The following FAM107B variants were observed in gnomAD, a reference collection of about 807,000 sequenced individuals.
FAM107B encodes the protein protein FAM107B.
In FAM107B, 21 loss-of-function variants were observed where a neutral mutation model predicts 31.5. The ratio of observed to expected loss-of-function variants is 0.67; its 90% confidence interval spans 0.47 to 0.96. FAM107B has a LOEUF of 0.96. Among genes scored for constraint, FAM107B ranks in the 40% least tolerant of loss-of-function variants. FAM107B has a pLI of 0.00. For synonymous variants in FAM107B, 157 were observed against 141.5 expected, an observed-to-expected ratio of 1.11 and a Z score of -0.78; for missense variants, 452 against 377.1, an observed-to-expected ratio of 1.20 and a Z score of -1.64.
chr10:14,564,130 A>G (rs186181214), intron 2 of FAM107B, among the ~76,000 whole-genome samples: 1 of 152,356 alleles, frequency 6.6e-6, no homozygotes, highest in Admixed American at 6.5e-5. Flanking sequence ...AAGTTCTTTA[A>G]GATTCTCAAA....
chr10:14,770,065 G>A (rs1833266459), intron 1 of FAM107B, among the ~76,000 whole-genome samples: 1 of 152,142 alleles, frequency 6.6e-6, no homozygotes, highest in Non-Finnish European at 1.5e-5. Context: ...TCCATCCGGT[G>A]CTGAGCCATA....
chr10:14,630,278 TA>T (rs10525721), intron 2 of FAM107B, among the ~76,000 whole-genome samples: 48,719 of 134,302 alleles, frequency 0.36, 9,382 homozygotes, highest in Non-Finnish European at 0.44. Flanking sequence ...CTACTGATGC[TA>T]AAAAAAAAAA....
intron 2 of FAM107B, among the ~76,000 whole-genome samples, chr10:14,568,781 G>A (rs1194383430): frequency 1.3e-5 from 2 of 151,950 alleles, no homozygotes; most frequent in Admixed American, 6.6e-5. Flanking sequence ...TGGTGGAAGA[G>A]GCTGGAGGGG....
chr10:14,535,510 AC>A (rs1847513135), intron 2 of FAM107B, among the ~76,000 whole-genome samples: 1 of 152,194 alleles, frequency 6.6e-6, no homozygotes, highest in African/African-American at 2.4e-5. Flanking sequence ...CAGTTGAATG[AC>A]CCACAGACTT....
chr10:14,593,147 ATAT>A (rs982863712), intron 2 of FAM107B, among the ~76,000 whole-genome samples: 8 of 152,264 alleles, frequency 5.3e-5, no homozygotes, highest in African/African-American at 1.7e-4. Context: ...TTAAAATTTA[ATAT>A]TATTAATTCT....
At chr10:14,595,016 A>G (rs1205843150) in intron 2 of FAM107B, among the ~76,000 whole-genome samples, 1 of 152,104 alleles carries the variant, frequency 6.6e-6, no homozygotes, top group East Asian at 1.9e-4. Flanking sequence ...AACCAGACCC[A>G]AGAGAGAGGC....
intron 1 of FAM107B, among the ~76,000 whole-genome samples, chr10:14,681,380 C>G (rs1373121568): frequency 6.6e-6 from 1 of 152,184 alleles, no homozygotes; most frequent in African/African-American, 2.4e-5. Flanking sequence ...CTCCACCTGT[C>G]CATTGCTGTC....
At chr10:14,709,920 G>T (rs1855601843) in intron 1 of FAM107B, among the ~76,000 whole-genome samples, 1 of 152,094 alleles carries the variant, frequency 6.6e-6, no homozygotes, top group Non-Finnish European at 1.5e-5. Context: ...GATATAGGGG[G>T]GAGGAGAGAG....
At chr10:14,522,918 C>A (rs1417967531) in intron 3 of FAM107B, among the ~76,000 whole-genome samples, 2 of 152,134 alleles carry the variant, frequency 1.3e-5, no homozygotes, top group Admixed American at 6.5e-5. Flanking sequence ...GCTCCTCCAC[C>A]GAAACCCTTT....
Position 14,580,668 on chromosome 10 carries a change from T to C in FAM107B, c.470-50153A>G, listed in dbSNP as rs1484866934. On this transcript the variant is annotated intron_variant, in intron 2 of 4. Transcript: ENST00000181796. ...TATTCATTCATGCCAAATAAAAGCA[T>C]ACTGAACACATAGCTGTGTTTTATT... Among the ~76,000 whole-genome samples the C allele has an allele frequency of 4.6e-5, 7 of 152,008 alleles. No individual in the cohort carries two copies. In the East Asian group the frequency reaches 1.2e-3, roughly 25 times the overall value.
intron 2 of FAM107B, among the ~76,000 whole-genome samples, chr10:14,549,242 A>T (rs1294600826): frequency 6.6e-6 from 1 of 152,228 alleles, no homozygotes; most frequent in Admixed American, 6.5e-5. Flanking sequence ...TACAAGAGTC[A>T]ACTGCCTTCA....
intron 1 of FAM107B, among the ~76,000 whole-genome samples, chr10:14,722,582 G>T (rs1219742274): frequency 6.6e-6 from 1 of 152,144 alleles, no homozygotes; most frequent in Non-Finnish European, 1.5e-5. Flanking sequence ...CTAATATTGA[G>T]AATCTTGTCA....
chr10:14,583,086 C>CAA (rs60205603), intron 2 of FAM107B, among the ~76,000 whole-genome samples: 3,700 of 56,226 alleles, frequency 0.066, 73 homozygotes, highest in East Asian at 0.19. Flanking sequence ...GACTCTGTCT[C>CAA]AAAAAAAAAA....
chr10:14,524,327 G>A (rs1165678342), intron 3 of FAM107B, among the ~76,000 whole-genome samples: 1 of 152,100 alleles, frequency 6.6e-6, no homozygotes, highest in Admixed American at 6.5e-5. Flanking sequence ...ATAGGCATCA[G>A]CAACCACACC....
intron 2 of FAM107B, among the ~76,000 whole-genome samples, chr10:14,629,745 C>T (rs1008339554): frequency 4.0e-5 from 6 of 150,732 alleles, no homozygotes; most frequent in Non-Finnish European, 5.9e-5. Context: ...GATCTCCTGA[C>T]CTCATGATCT....
At chr10:14,582,852 A>G (rs1851688887) in intron 2 of FAM107B, among the ~76,000 whole-genome samples, 1 of 152,102 alleles carries the variant, frequency 6.6e-6, no homozygotes, top group Admixed American at 6.5e-5. Context: ...TTGGGAGGCC[A>G]AGGCACGTGA....
At chr10:14,662,378 CTT>C (rs3035295) in intron 2 of FAM107B, among the ~76,000 whole-genome samples, 5 of 139,646 alleles carry the variant, frequency 3.6e-5, no homozygotes, top group Non-Finnish European at 4.6e-5. Flanking sequence ...TCTGACCTGT[CTT>C]TTTTTTTTTT....
intron 1 of FAM107B, among the ~76,000 whole-genome samples, chr10:14,730,236 A>G (rs1349616926): frequency 6.6e-6 from 1 of 152,238 alleles, no homozygotes; most frequent in African/African-American, 2.4e-5. Flanking sequence ...AGGTGGTTTC[A>G]TATCCGGAGA....
chr10:14,623,434 A>G (rs756970468), intron 2 of FAM107B, among the ~76,000 whole-genome samples: 2 of 152,390 alleles, frequency 1.3e-5, no homozygotes, highest in African/African-American at 2.4e-5. Flanking sequence ...AGGTACAGAC[A>G]TTCAAAGGAG....
Sources: allele counts gnomAD v4.1 joint callset (sites outside exome capture counted in the v4.1 genomes callset), GRCh38; gene constraint gnomAD v4.1.1; transcripts MANE v1.5; gene names NCBI Gene and HGNC (gene_info 2026-07-23, HGNC 2026-07-21).